The following GLT1D1 variants were observed in gnomAD, a reference collection of about 807,000 sequenced individuals.
GLT1D1 encodes the protein glycosyltransferase 1 domain-containing protein 1.
A neutral mutation model predicts 28.7 loss-of-function variants in GLT1D1; 21 were observed. That is an observed-to-expected ratio of 0.73 (90% CI 0.52 to 1.05). GLT1D1 has a LOEUF of 1.05. Ranked by LOEUF, GLT1D1 falls within the 50% of genes least tolerant of loss-of-function variation. The probability of loss-of-function intolerance (pLI) is 0.00; values close to 1 mark genes in which losing one functional copy is unlikely to be tolerated. For synonymous variants in GLT1D1, 147 were observed against 124.8 expected, an observed-to-expected ratio of 1.18 and a Z score of -1.19; for missense variants, 343 against 330.6, an observed-to-expected ratio of 1.04 and a Z score of -0.29.
At chr12:128,894,271 T>A (rs959802276) in intron 3 of GLT1D1, among the ~76,000 whole-genome samples, 4 of 152,094 alleles carry the variant, frequency 2.6e-5, no homozygotes, top group Admixed American at 1.3e-4. Flanking sequence ...CCTCGACTGG[T>A]GACAGGGTTT....
At chr12:128,860,499 A>G (rs1024119255) in intron 1 of GLT1D1, among the ~76,000 whole-genome samples, 1 of 152,206 alleles carries the variant, frequency 6.6e-6, no homozygotes, top group African/African-American at 2.4e-5. Flanking sequence ...TATGTGGTTC[A>G]CTGGGAAGAC....
At chr12:128,854,708 G>A (rs1956169608) in intron 1 of GLT1D1, among the ~76,000 whole-genome samples, 1 of 152,006 alleles carries the variant, frequency 6.6e-6, no homozygotes, top group Admixed American at 6.6e-5. Flanking sequence ...TGTTGGCCAG[G>A]TTGGTCTCGA....
intron 3 of GLT1D1, among the ~76,000 whole-genome samples, chr12:128,891,833 T>G: frequency 6.6e-6 from 1 of 152,076 alleles, no homozygotes; most frequent in Non-Finnish European, 1.5e-5. Flanking sequence ...CAGTTACTAT[T>G]TAGAAAGTTT....
chr12:128,867,994 C>A (rs150646250), intron 1 of GLT1D1, among the ~76,000 whole-genome samples: 1 of 152,338 alleles, frequency 6.6e-6, no homozygotes, highest in Non-Finnish European at 1.5e-5. Context: ...GATCTTCAGC[C>A]TTGAGTAATT....
At chr12:128,915,105 C>G in intron 4 of GLT1D1, 116 bp downstream of exon 6, 1 of 768,852 alleles carries the variant, frequency 1.3e-6, no homozygotes, top group Non-Finnish European at 2.1e-6. Flanking sequence ...GAACAAGGTT[C>G]ATTTCCCTCT....
At chr12:128,867,031 C>T (rs73153408) in intron 1 of GLT1D1, among the ~76,000 whole-genome samples, 18,481 of 152,096 alleles carry the variant, frequency 0.12, 1,277 homozygotes, top group South Asian at 0.22. Context: ...GTTTTCCTCC[C>T]GAGCAAAAAC....
chr12:128,883,585 A>AT, intron 2 of GLT1D1, among the ~76,000 whole-genome samples: 1 of 132,208 alleles, frequency 7.6e-6, no homozygotes, highest in African/African-American at 3.0e-5. Flanking sequence ...GCTAGACTCC[A>AT]TCTCAAAAAA....
chr12:128,876,197 G>A (rs1956867367), intron 2 of GLT1D1, 135 bp downstream of exon 2: 4 of 760,612 alleles, frequency 5.3e-6, no homozygotes, highest in Non-Finnish European at 6.1e-6. Context: ...TAATCTCTTT[G>A]GTTTGCTTTC....
intron 4 of GLT1D1, among the ~76,000 whole-genome samples, chr12:128,904,331 G>A (rs964741409): frequency 6.6e-6 from 1 of 151,724 alleles, no homozygotes; most frequent in Non-Finnish European, 1.5e-5. Context: ...TTTTGTATTG[G>A]CAGACCACAG....
intron 6 of GLT1D1, among the ~76,000 whole-genome samples, chr12:128,953,981 G>C (rs1449823410): frequency 1.3e-5 from 2 of 151,940 alleles, no homozygotes; most frequent in Non-Finnish European, 2.9e-5. Context: ...CCTGACCTCA[G>C]GTGATTTGCC....
In GLT1D1 at chr12:128,947,327, T is replaced by C. The variant is rs1876230476; in HGVS notation, c.420-11T>C. On this transcript the variant is annotated splice_polypyrimidine_tract_variant and intron_variant, in intron 5 of 7. Coordinates refer to ENST00000281703, the MANE Select transcript of GLT1D1 (RefSeq NM_144669.3). ...TGGAATCAGAGCCACTCTTCCTGCT[T>C]TGTGTTTCAGAGCCGCTGGGGTACG... 6.2e-7 allele frequency: 1 copy of C among 1,613,582 alleles called. No individual in the cohort carries two copies. The highest frequency in any genetic ancestry group is 8.5e-7 in the Non-Finnish European group (1 of 1,179,882).
At position 128,915,235 on chromosome 12, in the gene GLT1D1, T is replaced by C. The variant is rs1871987632; in HGVS notation, c.375+15948T>C. ...TAGCACCTGCTTTCCAAATTTTCAGTATCATTTCCTGTGACATTTGTTCTT... is the reference window on the plus strand; with the variant it reads ...TAGCACCTGCTTTCCAAATTTTCAGCATCATTTCCTGTGACATTTGTTCTT... On this transcript the variant is annotated intron_variant, in intron 4 of 7. Transcript: ENST00000281703. 2.6e-5 allele frequency among the ~76,000 whole-genome samples: 4 copies of C among 152,368 alleles called. No individual in the cohort carries two copies. In the South Asian group the frequency reaches 8.3e-4, roughly 32 times the overall value.
At chr12:128,866,724 G>A (rs138971181) in intron 1 of GLT1D1, among the ~76,000 whole-genome samples, 7 of 151,408 alleles carry the variant, frequency 4.6e-5, no homozygotes, top group Admixed American at 6.6e-5. Context: ...TGGTTCAAGC[G>A]ATTCTCCTGC....
chr12:128,918,320 G>T (rs564274532), intron 4 of GLT1D1, among the ~76,000 whole-genome samples: 11 of 152,278 alleles, frequency 7.2e-5, no homozygotes, highest in East Asian at 5.8e-4. Flanking sequence ...GAGAGGGTAG[G>T]GCTGGGGGCA....
chr12:128,930,969 C>T (rs1873796531), intron 4 of GLT1D1, among the ~76,000 whole-genome samples: 1 of 151,814 alleles, frequency 6.6e-6, no homozygotes, highest in Non-Finnish European at 1.5e-5. Flanking sequence ...TTTTTCACCT[C>T]CCGGAGGAAA....
intron 1 of GLT1D1, chr12:128,864,140 T>C (rs1333806073): frequency 2.9e-6 from 2 of 685,924 alleles, no homozygotes; most frequent in Admixed American, 4.2e-5. Flanking sequence ...CAGGAGAGTC[T>C]TAACATGCTG....
At chr12:128,952,136 G>A (rs983906015) in intron 6 of GLT1D1, among the ~76,000 whole-genome samples, 1 of 152,068 alleles carries the variant, frequency 6.6e-6, no homozygotes, top group African/African-American at 2.4e-5. Flanking sequence ...TGGAAGCCGT[G>A]TCCTTGTGAG....
rs568422957 is a variant in GLT1D1 at position 128,976,474 on chromosome 12, G to T, written c.640-6455G>T. 1.6e-4 allele frequency among the ~76,000 whole-genome samples: 24 copies of T among 152,338 alleles called. No homozygotes were observed. In the South Asian group the frequency reaches 5.0e-3, roughly 32 times the overall value. ...AACCAGAAAAGCCCGAGGAAAACCCGAGATCTTTAACGACGGCGGCCTGCG... is the reference window on the plus strand; with the variant it reads ...AACCAGAAAAGCCCGAGGAAAACCCTAGATCTTTAACGACGGCGGCCTGCG... On this transcript the variant is annotated intron_variant, in intron 7 of 7. Coordinates refer to ENST00000281703, the MANE Select transcript of GLT1D1 (RefSeq NM_144669.3).
At chr12:128,869,604 A>G (rs1956633420) in intron 1 of GLT1D1, among the ~76,000 whole-genome samples, 2 of 152,150 alleles carry the variant, frequency 1.3e-5, no homozygotes, top group Non-Finnish European at 2.9e-5. Context: ...GTAGTAATAT[A>G]TATTATACGT....
Sources: gnomAD v4.1 joint callset for allele counts (sites outside exome capture counted in the v4.1 genomes callset) on GRCh38, gnomAD v4.1.1 for gene constraint, MANE v1.5 for transcripts, NCBI Gene and HGNC (gene_info 2026-07-23, HGNC 2026-07-21) for gene names.